Variants in VSTM5 observed in about 807,000 individuals in gnomAD.
VSTM5 encodes V-set and transmembrane domain-containing protein 5.
VSTM5 carries 21 observed loss-of-function variants against 20.3 expected under a neutral mutation model. That is an observed-to-expected ratio of 1.03 (90% CI 0.73 to 1.49). The LOEUF is 1.49. Among genes scored for constraint, VSTM5 ranks in the 40% most tolerant of loss-of-function variants. VSTM5 has a pLI of 0.00. For synonymous variants in VSTM5, 100 were observed against 102.5 expected (o/e 0.98, Z 0.14); for missense variants, 219 against 250.0 (o/e 0.88, Z 0.84).
intron 1 of VSTM5, among the ~76,000 whole-genome samples, chr11:93,822,826 C>T (rs1015649775): frequency 6.6e-6 from 1 of 152,194 alleles, no homozygotes; most frequent in Non-Finnish European, 1.5e-5. Context: ...AATCACGTAT[C>T]TATGTTTCCT....
intron 1 of VSTM5, among the ~76,000 whole-genome samples, chr11:93,834,121 C>G (rs1397586082): frequency 6.6e-6 from 1 of 152,160 alleles, no homozygotes. Context: ...ATGTTCTACT[C>G]TTTCTCTGCC....
At chr11:93,835,163 G>A (rs1944313717) in intron 1 of VSTM5, among the ~76,000 whole-genome samples, 2 of 152,092 alleles carry the variant, frequency 1.3e-5, no homozygotes, top group African/African-American at 4.8e-5. Flanking sequence ...AGGGGCTCAT[G>A]CTTGTAATCC....
chr11:93,818,450 A>G lies in VSTM5; in HGVS notation c.*2119T>C, dbSNP rs1370663351. The G allele has an allele frequency of 1.3e-5, 2 of 151,136 alleles. No homozygotes were observed. 9.4% of individuals were successfully genotyped at this position (151,136 alleles called of 1,614,324 possible). A position where few individuals can be genotyped will look rare whatever the true frequency, so the allele number is the denominator to read the frequency against. Reference sequence around the variant, plus strand: ...AGAAACCCTTTTTTCAAAGAAATGGAAAGCCAAGGAAAGAAGCTTTTTTTA... The same window carrying G: ...AGAAACCCTTTTTTCAAAGAAATGGGAAGCCAAGGAAAGAAGCTTTTTTTA... On this transcript the variant is annotated 3_prime_UTR_variant, in exon 4 of 4. Coordinates refer to ENST00000409977, the MANE Select transcript of VSTM5 (RefSeq NM_001144871.2).
intron 1 of VSTM5, among the ~76,000 whole-genome samples, chr11:93,824,012 A>G (rs1230775165): frequency 6.6e-6 from 1 of 151,520 alleles, no homozygotes; most frequent in Non-Finnish European, 1.5e-5. Flanking sequence ...GGTTCAAGTG[A>G]TTCTCCTGTC....
At chr11:93,847,464 C>T (rs1944423234) in intron 1 of VSTM5, among the ~76,000 whole-genome samples, 1 of 152,212 alleles carries the variant, frequency 6.6e-6, no homozygotes, top group Admixed American at 6.5e-5. Flanking sequence ...TCAGATTCAG[C>T]CCTAGCCCTG....
chr11:93,829,731 C>T (rs188663034), intron 1 of VSTM5, among the ~76,000 whole-genome samples: 26 of 152,258 alleles, frequency 1.7e-4, no homozygotes, highest in African/African-American at 4.6e-4. Context: ...CCCATGCACC[C>T]CATTTCAGTT....
Position 93,850,551 on chromosome 11 carries a change from G to T in VSTM5, c.-49C>A. On this transcript the variant is annotated 5_prime_UTR_variant, in exon 1 of 4. Transcript: ENST00000409977. ...CCGGGGTGTGTGCTGGCCGCACCGC[G>T]CTGCAGCTCCTATGCAGCCTTCTCT... The T allele has an allele frequency of 7.0e-7, 1 of 1,423,936 alleles. No homozygotes were observed. Among genetic ancestry groups the T allele is most frequent in the Non-Finnish European group, 9.6e-7 (1 of 1,046,258 alleles). 88.2% of individuals were successfully genotyped at this position (1,423,936 alleles called of 1,614,324 possible).
At chr11:93,834,185 GCA>G (rs1944304502) in intron 1 of VSTM5, among the ~76,000 whole-genome samples, 1 of 152,110 alleles carries the variant, frequency 6.6e-6, no homozygotes, top group Admixed American at 6.6e-5. Context: ...ACACTATTCA[GCA>G]CAACAAAGCA....
intron 1 of VSTM5, among the ~76,000 whole-genome samples, chr11:93,835,333 A>T (rs1012866429): frequency 7.2e-5 from 11 of 152,250 alleles, no homozygotes; most frequent in African/African-American, 2.6e-4. Flanking sequence ...TGAGGGGGGA[A>T]GATCACTTGA....
intron 1 of VSTM5, among the ~76,000 whole-genome samples, chr11:93,832,600 T>A (rs1350112882): frequency 6.6e-6 from 1 of 152,184 alleles, no homozygotes; most frequent in East Asian, 1.9e-4. Flanking sequence ...CAAGATTGAG[T>A]CTGAGCCTTA....
intron 1 of VSTM5, among the ~76,000 whole-genome samples, chr11:93,842,680 G>C (rs568119968): frequency 6.6e-6 from 1 of 152,182 alleles, no homozygotes; most frequent in Non-Finnish European, 1.5e-5. Flanking sequence ...TAGAAGGTGC[G>C]GTCAGTAAAT....
At chr11:93,844,183 T>C (rs957935744) in intron 1 of VSTM5, among the ~76,000 whole-genome samples, 1 of 152,194 alleles carries the variant, frequency 6.6e-6, no homozygotes, top group African/African-American at 2.4e-5. Flanking sequence ...AAAGTTCTGG[T>C]TCAAGAACCT....
intron 1 of VSTM5, among the ~76,000 whole-genome samples, chr11:93,823,123 C>T (rs1944203472): frequency 6.6e-6 from 1 of 151,966 alleles, no homozygotes; most frequent in Non-Finnish European, 1.5e-5. Context: ...TTCTCAGATG[C>T]TGATACAACT....
At chr11:93,846,706 TA>T (rs1276645474) in intron 1 of VSTM5, among the ~76,000 whole-genome samples, 1 of 152,146 alleles carries the variant, frequency 6.6e-6, no homozygotes, top group Non-Finnish European at 1.5e-5. Context: ...AAAATTGGTG[TA>T]AAACTAAGTT....
At chr11:93,823,658 C>T (rs1035271900) in intron 1 of VSTM5, among the ~76,000 whole-genome samples, 60 of 152,160 alleles carry the variant, frequency 3.9e-4, no homozygotes, top group African/African-American at 1.4e-3. Flanking sequence ...TAGCTTATTT[C>T]ATTTAGCAGC....
At chr11:93,821,387 T>G in intron 1 of VSTM5, 64 bp from the exon 2 acceptor site, 2 of 1,370,754 alleles carry the variant, frequency 1.5e-6, no homozygotes, top group South Asian at 2.8e-5. Context: ...TGAACTTATA[T>G]AATTTGTTGA....
chr11:93,850,147 CGGGCGCCCCGAAGTGGGCCG>C (rs1349553150), intron 1 of VSTM5, among the ~76,000 whole-genome samples: 1 of 151,442 alleles, frequency 6.6e-6, no homozygotes, highest in Non-Finnish European at 1.5e-5. Context: ...CCGGGTGGGG[CGGGCGCCCCGAAGTGGGCCG>C]GGGCGCCGCG....
intron 1 of VSTM5, among the ~76,000 whole-genome samples, chr11:93,824,340 T>C (rs1270431219): frequency 6.6e-6 from 1 of 152,220 alleles, no homozygotes; most frequent in Admixed American, 6.5e-5. Context: ...TCACCTTGTC[T>C]TTTTGATAAT....
intron 1 of VSTM5, among the ~76,000 whole-genome samples, chr11:93,822,815 C>T (rs1367090697): frequency 1.3e-5 from 2 of 152,210 alleles, no homozygotes; most frequent in Admixed American, 6.5e-5. Flanking sequence ...GGCTATCTAT[C>T]AATCACGTAT....
Sources: allele counts gnomAD v4.1 joint callset (sites outside exome capture counted in the v4.1 genomes callset), GRCh38; gene constraint gnomAD v4.1.1; transcripts MANE v1.5; gene names NCBI Gene and HGNC (gene_info 2026-07-23, HGNC 2026-07-21).